Variants in TAFA1 observed in about 807,000 individuals in gnomAD.
The protein encoded by TAFA1 is chemokine-like protein TAFA-1.
In TAFA1, 4 loss-of-function variants were observed where a neutral mutation model predicts 18.5. The ratio of observed to expected loss-of-function variants is 0.22; its 90% confidence interval spans 0.11 to 0.49. The LOEUF (loss-of-function observed/expected upper bound fraction) is 0.49, where lower values mean the gene tolerates loss of function less well. TAFA1 is among the 20% of genes least tolerant of loss of function. The probability of loss-of-function intolerance (pLI) is 0.98; values close to 1 mark genes in which losing one functional copy is unlikely to be tolerated. For synonymous variants in TAFA1, 56 were observed against 55.2 expected, an observed-to-expected ratio of 1.01 and a Z score of -0.06; for missense variants, 147 against 169.0, an observed-to-expected ratio of 0.87 and a Z score of 0.72.
intron 2 of TAFA1, among the ~76,000 whole-genome samples, chr3:68,110,599 C>T (rs2065251761): frequency 6.6e-6 from 1 of 151,980 alleles, no homozygotes; most frequent in Non-Finnish European, 1.5e-5. Context: ...TTAAGAAAGG[C>T]AAGGGTGGAA....
chr3:68,171,362 C>G (rs1458279989), intron 2 of TAFA1, among the ~76,000 whole-genome samples: 5 of 152,152 alleles, frequency 3.3e-5, no homozygotes, highest in African/African-American at 1.2e-4. Context: ...GTCCTTCTGA[C>G]ATGATAATAT....
Position 68,113,888 on chromosome 3 carries a change from G to GTTTTTTTTTTTTTTTTTTTTTTT in TAFA1, c.118+107152_118+107153insTTTTTTTTTTTTTTTTTTTTTTT, listed in dbSNP as rs1169442128. On this transcript the variant is annotated intron_variant, in intron 2 of 4. Coordinates refer to ENST00000478136, the MANE Select transcript of TAFA1 (RefSeq NM_213609.4). ...TGACAGTGTGACAGTTTGGGGTGTA[G>GTTTTTTTTTTTTTTTTTTTTTTT]TTTTTTTTGTTTTTTTTTTTTTTTT... Among the ~76,000 whole-genome samples the GTTTTTTTTTTTTTTTTTTTTTTT allele has an allele frequency of 3.5e-5, 2 of 57,862 alleles. 1 individual carries two copies. 38.0% of individuals were successfully genotyped at this position (57,862 alleles called of 152,430 possible).
At chr3:68,354,126 AC>A (rs988434838) in intron 2 of TAFA1, among the ~76,000 whole-genome samples, 27 of 150,168 alleles carry the variant, frequency 1.8e-4, no homozygotes, top group African/African-American at 6.6e-4. Context: ...ACTAGACTCT[AC>A]ATTTTATTTG....
intron 2 of TAFA1, among the ~76,000 whole-genome samples, chr3:68,398,359 G>C (rs1302489020): frequency 6.6e-6 from 1 of 152,150 alleles, no homozygotes; most frequent in Non-Finnish European, 1.5e-5. Context: ...GGGAAAACTG[G>C]CTAGCCATAT....
At chr3:68,263,537 C>T (rs2067479885) in intron 2 of TAFA1, among the ~76,000 whole-genome samples, 1 of 151,258 alleles carries the variant, frequency 6.6e-6, no homozygotes, top group Non-Finnish European at 1.5e-5. Context: ...AAGTTACTGG[C>T]ATTTGACTCT....
chr3:68,006,675 G>A lies in TAFA1; in HGVS notation c.49G>A (p.Ala17Thr). The A allele has an allele frequency of 6.2e-7, 1 of 1,614,038 alleles. No homozygotes were observed. Among genetic ancestry groups the A allele is most frequent in the Non-Finnish European group, 8.5e-7 (1 of 1,179,882 alleles). ...CTGGGTCCTGTATTTGTGGATAAGT[G>A]CTTGTGCAATGCTACTCTGCCATGG... ...MSWVLYLWIS[A>T]CAMLLCHGSL... Residue 17 changes from alanine to threonine, a missense_variant, in exon 2 of 5, where the codon GCT becomes ACT. By Grantham distance (58) the Ala-to-Thr change is moderately conservative. Transcript: ENST00000478136.
chr3:68,445,108 A>G (rs1254503353), intron 3 of TAFA1, among the ~76,000 whole-genome samples: 2 of 152,164 alleles, frequency 1.3e-5, no homozygotes, highest in East Asian at 3.9e-4. Flanking sequence ...AAACTTAGAC[A>G]TGCTGATATT....
intron 3 of TAFA1, among the ~76,000 whole-genome samples, chr3:68,426,229 A>T (rs1217372029): frequency 6.6e-5 from 10 of 152,056 alleles, no homozygotes; most frequent in Middle Eastern, 3.4e-3. Context: ...TATCTGTATA[A>T]ACCTAACAAA....
chr3:68,250,822 G>T (rs2067182055), intron 2 of TAFA1: 2 of 150,374 alleles, frequency 1.3e-5, no homozygotes, highest in Non-Finnish European at 3.0e-5. Context: ...GCCTGATCCT[G>T]CAGGACAAGG....
intron 2 of TAFA1, among the ~76,000 whole-genome samples, chr3:68,123,312 T>A (rs971242729): frequency 3.9e-5 from 6 of 152,128 alleles, no homozygotes; most frequent in Non-Finnish European, 7.4e-5. Context: ...AAGGGTCCAC[T>A]TGGTTTACAT....
At chr3:68,394,913 CA>C (rs1186500553) in intron 2 of TAFA1, among the ~76,000 whole-genome samples, 1 of 151,998 alleles carries the variant, frequency 6.6e-6, no homozygotes, top group Admixed American at 6.6e-5. Context: ...GACTAAACAC[CA>C]AAAGCAATTG....
chr3:68,027,438 C>A (rs1222755399), intron 2 of TAFA1, among the ~76,000 whole-genome samples: 1 of 152,128 alleles, frequency 6.6e-6, no homozygotes, highest in Non-Finnish European at 1.5e-5. Flanking sequence ...TGGACTGTCC[C>A]TTTTCCAGGC....
intron 3 of TAFA1, among the ~76,000 whole-genome samples, chr3:68,528,920 A>G (rs572310830): frequency 6.6e-5 from 10 of 152,158 alleles, no homozygotes; most frequent in Admixed American, 1.3e-4. Flanking sequence ...GATAGCTAAT[A>G]TTTATTGAAG....
At chr3:68,186,731 A>T (rs901478756) in intron 2 of TAFA1, among the ~76,000 whole-genome samples, 1 of 151,982 alleles carries the variant, frequency 6.6e-6, no homozygotes, top group Non-Finnish European at 1.5e-5. Flanking sequence ...ACTCCCTCTC[A>T]TTAATTCATT....
At chr3:67,994,805 G>T in the TAFA1 span, among the ~76,000 whole-genome samples, 2 of 152,166 alleles carry the variant, frequency 1.3e-5, no homozygotes, top group African/African-American at 2.4e-5. Context: ...CTGAAAACTT[G>T]TCCTTGCATG....
At chr3:68,343,521 A>G (rs2069118519) in intron 2 of TAFA1, among the ~76,000 whole-genome samples, 1 of 152,216 alleles carries the variant, frequency 6.6e-6, no homozygotes, top group African/African-American at 2.4e-5. Flanking sequence ...TGGCTTAAGT[A>G]TGGGGTTCTC....
At chr3:68,180,915 G>T (rs2066189925) in intron 2 of TAFA1, among the ~76,000 whole-genome samples, 1 of 152,210 alleles carries the variant, frequency 6.6e-6, no homozygotes, top group Non-Finnish European at 1.5e-5. Flanking sequence ...TGCCTTCTGA[G>T]ATTGGGTTAT....
At chr3:68,233,632 AT>A (rs920365959) in intron 2 of TAFA1, among the ~76,000 whole-genome samples, 30 of 151,046 alleles carry the variant, frequency 2.0e-4, no homozygotes, top group Non-Finnish European at 2.8e-4. Flanking sequence ...AAATTTTAGG[AT>A]TTTTTTTTCT....
intron 2 of TAFA1, among the ~76,000 whole-genome samples, chr3:68,359,555 T>C (rs1485355274): frequency 2.6e-5 from 4 of 151,928 alleles, no homozygotes; most frequent in Non-Finnish European, 5.9e-5. Context: ...CCATTCACCA[T>C]GGAATGTGGG....
Sources: allele counts gnomAD v4.1 joint callset (sites outside exome capture counted in the v4.1 genomes callset), GRCh38; gene constraint gnomAD v4.1.1; transcripts MANE v1.5; gene names NCBI Gene and HGNC (gene_info 2026-07-23, HGNC 2026-07-21).